Variants in SLC7A10 observed in about 807,000 individuals in gnomAD.
The protein encoded by SLC7A10 is asc-type amino acid transporter 1.
In SLC7A10, 30 loss-of-function variants were observed where a neutral mutation model predicts 52.7. The ratio of observed to expected loss-of-function variants is 0.57; its 90% CI spans 0.43 to 0.77. The LOEUF is 0.77. SLC7A10 is among the 30% of genes least tolerant of loss of function. The pLI is 0.00. For missense variants in SLC7A10, 581 were observed against 698.5 expected (o/e 0.83, Z 1.90); for synonymous variants, 318 against 314.9 (o/e 1.01, Z -0.10).
At chr19:33,209,718 T>A (rs1325511576) in intron 9 of SLC7A10, among the ~76,000 whole-genome samples, 1 of 152,154 alleles carries the variant, frequency 6.6e-6, no homozygotes, top group Non-Finnish European at 1.5e-5. Flanking sequence ...GGCACCGAGC[T>A]CCACACAGCG....
rs1283622791 is a variant in SLC7A10 at position 33,225,470 on chromosome 19, G to A, written c.151+83C>T. The A allele has an allele frequency of 2.0e-6, 3 of 1,527,966 alleles. No individual in the cohort carries two copies. The Admixed American group carries it at 5.2e-5, about 27-fold the overall frequency. 94.7% of individuals were successfully genotyped at this position (1,527,966 alleles called of 1,614,324 possible). A position where few individuals can be genotyped will look rare whatever the true frequency, so the allele number is the denominator to read the frequency against. The stretch of plus-strand genomic sequence containing the variant: ...CCCAGGCAGACCCGTCCGAGCGCCC[G>A]GAGAGGGGACGCCCCTCGTTCGGAG... On this transcript the variant is annotated intron_variant, in intron 1 of 10. Coordinates refer to ENST00000253188, the MANE Select transcript of SLC7A10 (RefSeq NM_019849.3).
Position 33,209,430 on chromosome 19 carries a change from A to G in SLC7A10, c.1319T>C (p.Phe440Ser). ...YLVFWAFLLV[F>S]SFISEPMVCG... The stretch of plus-strand genomic sequence containing the variant: ...GACCATAGGCTCTGAGATGAAGCTG[A>G]AGACCAGCAGGAAGGCCCAGAAGAC... Residue 440 changes from phenylalanine (F) to serine (S), a missense_variant, in exon 10 of 11, where the codon TTC (phenylalanine) becomes TCC (serine). Physicochemically the swap from Phe to Ser is radical, Grantham distance 155 (BLOSUM62 -2). Transcript: ENST00000253188. 6.2e-7 allele frequency: 1 copy of G among 1,614,006 alleles called. No homozygotes were observed. Among genetic ancestry groups the G allele is most frequent in the South Asian group, 1.1e-5 (1 of 91,064 alleles).
chr19:33,211,931 C>A, intron 5 of SLC7A10: 1 of 476,894 alleles, frequency 2.1e-6, no homozygotes. Context: ...GGTTTACTGT[C>A]GAGATCCCTG....
At chr19:33,209,128 G>T in intron 10 of SLC7A10, 107 bp from the exon 11 acceptor site, 1 of 1,564,494 alleles carries the variant, frequency 6.4e-7, no homozygotes, top group Non-Finnish European at 8.7e-7. Flanking sequence ...TTGCTCCGTC[G>T]GTACCCGTGG....
In SLC7A10 at chr19:33,221,341, AC is replaced by A. The variant is rs959734827; in HGVS notation, c.151+4211del. 3.3e-5 allele frequency among the ~76,000 whole-genome samples: 5 copies of A among 150,802 alleles called. No homozygotes were observed. In the East Asian group the frequency reaches 5.9e-4, roughly 18 times the overall value. On this transcript the variant is annotated intron_variant, in intron 1 of 10. Coordinates refer to ENST00000253188, the MANE Select transcript of SLC7A10 (RefSeq NM_019849.3). ...CAGAAGATGGATTTTGTCTGTCTTG[AC>A]CCCCCCATGGTGTCTCTGGCATGTA...
At chr19:33,216,111 G>C in intron 1 of SLC7A10, 138 bp from the exon 2 acceptor site, 1 of 759,174 alleles carries the variant, frequency 1.3e-6, no homozygotes. Flanking sequence ...GAGGTGGGCT[G>C]GAGGTGTTGA....
At chr19:33,211,611 C>T (rs1359778088) in intron 5 of SLC7A10, 74 bp from the exon 6 acceptor site, 1 of 1,610,494 alleles carries the variant, frequency 6.2e-7, no homozygotes, top group African/African-American at 1.3e-5. Flanking sequence ...GCCACGAGAG[C>T]AGCTCATAGT....
chr19:33,225,587 C>G lies in SLC7A10; in HGVS notation c.117G>C (p.Glu39Asp), dbSNP rs1974906429. 1 of 1,596,370 alleles carries G rather than the reference C, an allele frequency of 6.3e-7. No individual in the cohort carries two copies. The highest frequency in any genetic ancestry group is 8.5e-7 in the Non-Finnish European group (1 of 1,179,278). ...TGGTGCAGGCGCTCAGCAGCCCGAT[C>G]TCCTTCTTGAGCGCCACCCGCTCCG... is the stretch of plus-strand genomic sequence containing the variant. Reference protein sequence around the residue: ...GASERVALKKEIGLLSACTII... With the variant: ...GASERVALKKDIGLLSACTII... The change falls in exon 1 of 11, where the codon GAG (glutamate) becomes GAC (aspartate). Residue 39 changes from glutamate to aspartate, a missense_variant. Glu to Asp is a conservative substitution (Grantham distance 45). Transcript: ENST00000253188.
At position 33,209,006 on chromosome 19, in the gene SLC7A10, C is replaced by T. The variant is rs1568386429; in HGVS notation, c.1457G>A (p.Trp486Ter). Reference sequence around the variant, plus strand: ...GACCACGAAACACAGCTCCTGGCCCCAGTGTGTCATGGACTCTGAGGACAG... The same window carrying T: ...GACCACGAAACACAGCTCCTGGCCCTAGTGTGTCATGGACTCTGAGGACAG... ...VHRLTESMTH[W>*]GQELCFVVYP... is the part of the protein sequence containing the mutation. Residue 486 changes from tryptophan (W) to a stop codon, truncating the protein, a stop_gained, in exon 11 of 11, where the codon TGG becomes TAG. Coordinates refer to ENST00000253188, the MANE Select transcript of SLC7A10 (RefSeq NM_019849.3). LOFTEE classifies it high-confidence loss of function. The T allele has an allele frequency of 6.2e-7, 1 of 1,613,776 alleles. No individual in the cohort carries two copies. The highest frequency in any genetic ancestry group is 8.5e-7 in the Non-Finnish European group (1 of 1,180,016).
At position 33,210,793 on chromosome 19, in the gene SLC7A10, C is replaced by T. The variant is rs1974529926; in HGVS notation, c.1113+9G>A. ...CCACGCCCTGCCTGGCCCAGGTCCC[C>T]CAACTTACACAGACGAGGAGGGCGG... On this transcript the variant is annotated intron_variant, in intron 8 of 10. Coordinates refer to ENST00000253188, the MANE Select transcript of SLC7A10 (RefSeq NM_019849.3). This position sits in a 1 kb window ranked among gnomAD's most constrained non-coding sequence, Gnocchi z 5.6. 1 of 1,613,340 alleles carries T rather than the reference C, an allele frequency of 6.2e-7. No homozygotes were observed. The highest frequency in any genetic ancestry group is 1.1e-5 in the South Asian group (1 of 91,084).
In SLC7A10 at chr19:33,208,804, A is replaced by AAAAAC; in HGVS notation, c.*82_*86dup. 1 of 1,585,504 alleles carries AAAAAC rather than the reference A, an allele frequency of 6.3e-7. No homozygotes were observed. The highest frequency in any genetic ancestry group is 1.1e-5 in the South Asian group (1 of 87,890). On this transcript the variant is annotated 3_prime_UTR_variant, in exon 11 of 11. Coordinates refer to ENST00000253188, the MANE Select transcript of SLC7A10 (RefSeq NM_019849.3). This position sits in a 1 kb window ranked among gnomAD's most constrained non-coding sequence, Gnocchi z 4.7. ...TATCTTTTTTCTTTTTTTTCCAGAA[A>AAAAAC]AAAACAAAACAAAACTTTTTTGCCA...
chr19:33,212,135 C>G lies in SLC7A10; in HGVS notation c.788+157G>C, dbSNP rs544650623. On this transcript the variant is annotated intron_variant, in intron 5 of 10. Coordinates refer to ENST00000253188, the MANE Select transcript of SLC7A10 (RefSeq NM_019849.3). ...CAGGGCCAGGCTAGAATGCAAGCCC[C>G]CCGGCTTTCTTCCCAGGGCCATTTT... 3.0e-4 allele frequency: 319 copies of G among 1,059,988 alleles called. No homozygotes were observed. The Middle Eastern group carries it at 5.9e-3, about 20-fold the overall frequency. 65.7% of individuals were successfully genotyped at this position (1,059,988 alleles called of 1,614,324 possible).
Position 33,210,696 on chromosome 19 carries a change from C to T in SLC7A10, c.1114-80G>A. ...TGCAGGATGAGCCCTGGCCCCACCC[C>T]CAACCCCCACCCTGGAATGGCTCAC... On this transcript the variant is annotated intron_variant, in intron 8 of 10. Transcript: ENST00000253188. The surrounding 1 kb of genome is among the most constrained non-coding windows in gnomAD (Gnocchi z 5.6). 1 of 1,608,140 alleles carries T rather than the reference C, an allele frequency of 6.2e-7. No individual in the cohort carries two copies. The highest frequency in any genetic ancestry group is 8.5e-7 in the Non-Finnish European group (1 of 1,178,114).
At chr19:33,221,773 G>T (rs1568395986) in intron 1 of SLC7A10, among the ~76,000 whole-genome samples, 2 of 152,188 alleles carry the variant, frequency 1.3e-5, no homozygotes, top group Non-Finnish European at 2.9e-5. Flanking sequence ...ACAAACCCCT[G>T]CAGGAGCCGG....
rs1032977869 is a variant in SLC7A10 at position 33,208,789 on chromosome 19, CT to C, written c.*101del. Reference sequence around the variant, plus strand: ...GGCTTCTGAGAGTCGTATCTTTTTTCTTTTTTTTCCAGAAAAAAACAAAACA... The same window carrying C: ...GGCTTCTGAGAGTCGTATCTTTTTTCTTTTTTTCCAGAAAAAAACAAAACA... On this transcript the variant is annotated 3_prime_UTR_variant, in exon 11 of 11. Transcript: ENST00000253188. This position sits in a 1 kb window ranked among gnomAD's most constrained non-coding sequence, Gnocchi z 4.7. 29 of 1,487,438 alleles carry C rather than the reference CT, an allele frequency of 1.9e-5. No homozygotes were observed. In the African/African-American group the frequency reaches 2.9e-4, roughly 15 times the overall value. 92.1% of individuals were successfully genotyped at this position (1,487,438 alleles called of 1,614,324 possible).
chr19:33,218,445 G>A (rs960993164), intron 1 of SLC7A10, among the ~76,000 whole-genome samples: 1 of 152,004 alleles, frequency 6.6e-6, no homozygotes, highest in Non-Finnish European at 1.5e-5. Context: ...TAGACCACTC[G>A]CAGCATCTCC....
intron 1 of SLC7A10, among the ~76,000 whole-genome samples, chr19:33,216,701 A>C (rs974812447): frequency 2.6e-5 from 4 of 151,178 alleles, no homozygotes; most frequent in Admixed American, 2.0e-4. Context: ...CAGCCTTCCA[A>C]GTAGTTAGAA....
chr19:33,223,309 G>GAAAAAAAAAAAAAAAAA (rs59600246), intron 1 of SLC7A10, among the ~76,000 whole-genome samples: 1 of 117,340 alleles, frequency 8.5e-6, no homozygotes, highest in African/African-American at 3.2e-5. Context: ...CTCTGTCTCA[G>GAAAAAAAAAAAAAAAAA]AAAAAAAAAA....
Position 33,215,774 on chromosome 19 carries a change from C to T in SLC7A10, c.351G>A (p.Leu117=), listed in dbSNP as rs1159520680. The T allele has an allele frequency of 6.4e-7, 1 of 1,555,492 alleles. No individual in the cohort carries two copies. Among genetic ancestry groups the T allele is most frequent in the Non-Finnish European group, 8.7e-7 (1 of 1,149,370 alleles). Residue 117 remains leucine, a synonymous_variant, in exon 2 of 11, where the codon CTG becomes CTA. Coordinates refer to ENST00000253188, the MANE Select transcript of SLC7A10 (RefSeq NM_019849.3). ...YAYVTEIFGG[L]AGFLLLWSAV... ...CGCTGGTGCCCCACACTCACCCAGC[C>T]AGGCCCCCGAAGATCTCTGTGACGT...
Sources: gnomAD v4.1 joint callset for allele counts (sites outside exome capture counted in the v4.1 genomes callset) on GRCh38, gnomAD v4.1.1 for gene constraint, Gnocchi (gnomAD v3.1) non-coding constraint, MANE v1.5 for transcripts, NCBI Gene and HGNC (gene_info 2026-07-23, HGNC 2026-07-21) for gene names.